The following DNM3 variants were observed in gnomAD, a reference collection of about 807,000 sequenced individuals.
The protein encoded by DNM3 is dynamin 3.
In DNM3, 47 loss-of-function variants were observed where a neutral mutation model predicts 101.6. That is an observed-to-expected ratio of 0.46 (90% CI 0.37 to 0.59). The LOEUF is 0.59. DNM3 is among the 20% of genes least tolerant of loss of function. The pLI is 0.00. For synonymous variants in DNM3, 385 were observed against 387.9 expected (o/e 0.99, Z 0.09); for missense variants, 849 against 1,085.7 (o/e 0.78, Z 3.06).
chr1:172,319,465 T>C (rs1309006291), intron 16 of DNM3, among the ~76,000 whole-genome samples: 1 of 151,958 alleles, frequency 6.6e-6, no homozygotes, highest in African/African-American at 2.4e-5. Flanking sequence ...TGGGAGAAAA[T>C]TTTTGCAACC....
chr1:172,248,336 T>G (rs995466907), intron 14 of DNM3, among the ~76,000 whole-genome samples: 30 of 152,296 alleles, frequency 2.0e-4, no homozygotes, highest in African/African-American at 7.0e-4. Context: ...TTATTTATTA[T>G]GGATCATCAG....
At chr1:172,351,137 A>G (rs1454722267) in intron 17 of DNM3, among the ~76,000 whole-genome samples, 5 of 152,108 alleles carry the variant, frequency 3.3e-5, no homozygotes, top group Admixed American at 6.6e-5. Context: ...AGTGCCACAA[A>G]TGTTTACCAT....
At chr1:171,888,091 A>G (rs1213190466) in intron 1 of DNM3, among the ~76,000 whole-genome samples, 1 of 137,244 alleles carries the variant, frequency 7.3e-6, no homozygotes, top group South Asian at 2.3e-4. Context: ...TTTTTCTTCT[A>G]TTCTCTTATA....
intron 2 of DNM3, among the ~76,000 whole-genome samples, chr1:171,976,948 G>A (rs1248511331): frequency 6.6e-6 from 1 of 151,778 alleles, no homozygotes; most frequent in African/African-American, 2.4e-5. Flanking sequence ...ACTTTCTATT[G>A]TATTTTTTTG....
intron 15 of DNM3, among the ~76,000 whole-genome samples, chr1:172,267,768 A>T (rs1045289344): frequency 1.3e-5 from 2 of 151,548 alleles, no homozygotes; most frequent in Non-Finnish European, 2.9e-5. Context: ...GCTGGAGTGC[A>T]GTGGCAAGAT....
rs895717824 is a variant in DNM3, at chr1:172,356,047, AT to A, written c.1894-22970del. 1.6e-4 allele frequency among the ~76,000 whole-genome samples: 24 copies of A among 152,258 alleles called. 1 individual carries two copies. The highest frequency in any genetic ancestry group is 3.8e-4 in the African/African-American group (16 of 41,572). ...AGTGGAAACCAGAAATAATGGAATC[AT>A]CTTCAAAGTACAGAGGGAAACACTG... On this transcript the variant is annotated intron_variant, in intron 17 of 20. Coordinates refer to ENST00000627582, the MANE Select transcript of DNM3 (RefSeq NM_015569.5).
intron 1 of DNM3, among the ~76,000 whole-genome samples, chr1:171,899,045 C>A (rs993821612): frequency 6.6e-6 from 1 of 152,316 alleles, no homozygotes; most frequent in African/African-American, 2.4e-5. Flanking sequence ...TTCCTCTTAG[C>A]CCCTCCGGAC....
rs142576991 is a variant in DNM3, at chr1:171,861,797, A to G, written c.161+19980A>G. Among the ~76,000 whole-genome samples the G allele has an allele frequency of 1.8e-3, 281 of 152,258 alleles. No individual in the cohort carries two copies. The Middle Eastern group carries it at 0.031, about 17-fold the overall frequency. On this transcript the variant is annotated intron_variant, in intron 1 of 20. Transcript: ENST00000627582. The stretch of plus-strand genomic sequence containing the variant: ...CAAGGGACACTATTAAGGGTATGAA[A>G]AGATAACCCAGAGAATGGGGGGAAA...
chr1:172,004,204 T>C (rs2046530791), intron 4 of DNM3, among the ~76,000 whole-genome samples: 3 of 152,018 alleles, frequency 2.0e-5, no homozygotes, highest in Admixed American at 1.3e-4. Flanking sequence ...CTGGACAAGA[T>C]TGAAGAATAG....
intron 14 of DNM3, among the ~76,000 whole-genome samples, chr1:172,181,820 T>C (rs562932): frequency 0.54 from 79,327 of 145,664 alleles, 22,655 homozygotes; most frequent in African/African-American, 0.76. Flanking sequence ...TTTTTTTTTT[T>C]GAAAATAAAC....
At chr1:172,247,412 ACT>A (rs966362785) in intron 14 of DNM3, among the ~76,000 whole-genome samples, 1 of 151,942 alleles carries the variant, frequency 6.6e-6, no homozygotes, top group African/African-American at 2.4e-5. Flanking sequence ...AAGCATAAGT[ACT>A]CTCTGCAACA....
At chr1:171,992,062 A>C (rs2045669698) in intron 4 of DNM3, among the ~76,000 whole-genome samples, 1 of 152,218 alleles carries the variant, frequency 6.6e-6, no homozygotes, top group African/African-American at 2.4e-5. Flanking sequence ...TAGTAGAAGA[A>C]AAGCCATTGG....
At chr1:172,093,639 A>C in intron 13 of DNM3, 1 of 1,501,790 alleles carries the variant, frequency 6.7e-7, no homozygotes, top group Non-Finnish European at 9.0e-7. Flanking sequence ...GTAATAACAG[A>C]CTTTATTTTA....
intron 1 of DNM3, among the ~76,000 whole-genome samples, chr1:171,871,864 G>T (rs201693070): frequency 1.8e-4 from 24 of 136,430 alleles, no homozygotes; most frequent in South Asian, 2.4e-4. Flanking sequence ...TTGTTGTCTT[G>T]TTTTTTTTTT....
At chr1:172,393,845 T>G (rs1231716767) in intron 20 of DNM3, 4 of 152,638 alleles carry the variant, frequency 2.6e-5, no homozygotes, top group Non-Finnish European at 5.9e-5. Flanking sequence ...TAGAAACAAC[T>G]TTGAGGTGTT....
At chr1:172,031,213 A>G (rs1444882909) in intron 4 of DNM3, among the ~76,000 whole-genome samples, 3 of 152,204 alleles carry the variant, frequency 2.0e-5, no homozygotes, top group African/African-American at 7.2e-5. Flanking sequence ...ATGGAATACT[A>G]TGTAGCCATA....
intron 1 of DNM3, among the ~76,000 whole-genome samples, chr1:171,845,634 C>A (rs2031960314): frequency 1.3e-5 from 2 of 152,172 alleles, no homozygotes; most frequent in Non-Finnish European, 2.9e-5. Flanking sequence ...TGCCTCATTT[C>A]ACAGAAGATT....
intron 15 of DNM3, among the ~76,000 whole-genome samples, chr1:172,272,469 C>T (rs1056635437): frequency 1.3e-5 from 2 of 152,102 alleles, no homozygotes; most frequent in Non-Finnish European, 2.9e-5. Context: ...CTAGGGCACC[C>T]ACCCTTGCCT....
At chr1:172,222,337 A>C (rs555716355) in intron 14 of DNM3, among the ~76,000 whole-genome samples, 1 of 152,316 alleles carries the variant, frequency 6.6e-6, no homozygotes, top group South Asian at 2.1e-4. Context: ...AATTCTGAAC[A>C]GATTTTCTCA....
Sources: allele counts gnomAD v4.1 joint callset (sites outside exome capture counted in the v4.1 genomes callset), GRCh38; gene constraint gnomAD v4.1.1; transcripts MANE v1.5; gene names NCBI Gene and HGNC (gene_info 2026-07-23, HGNC 2026-07-21).